EDEM1: variants seen among roughly 807,000 people sequenced by gnomAD.
The protein encoded by EDEM1 is ER degradation-enhancing alpha-mannosidase-like protein 1.
EDEM1 carries 67 observed loss-of-function variants against 74.4 expected under a neutral mutation model. That is an observed-to-expected ratio of 0.90 (90% CI 0.74 to 1.10). EDEM1 has a LOEUF of 1.10. Among genes scored for constraint, EDEM1 ranks in the 50% least tolerant of loss-of-function variants. The probability of loss-of-function intolerance (pLI) is 0.00; values close to 1 mark genes in which losing one functional copy is unlikely to be tolerated. For synonymous variants in EDEM1, 382 were observed against 335.9 expected (o/e 1.14, Z -1.50); for missense variants, 926 against 851.6 (o/e 1.09, Z -1.09).
chr3:5,200,632 A>G (rs1174683966), intron 3 of EDEM1, among the ~76,000 whole-genome samples: 1 of 152,170 alleles, frequency 6.6e-6, no homozygotes, highest in African/African-American at 2.4e-5. Flanking sequence ...TTTAAAATTA[A>G]ATTGGTGAAA....
At chr3:5,203,257 C>A in intron 5 of EDEM1, 108 bp downstream of exon 5, 2 of 1,177,932 alleles carry the variant, frequency 1.7e-6, no homozygotes, top group Non-Finnish European at 2.3e-6. Context: ...ATTGACAACT[C>A]AGCAAGAATT....
Position 5,211,219 on chromosome 3 carries a change from A to T in EDEM1, c.1680+3A>T. On this transcript the variant is annotated splice_donor_region_variant and intron_variant, in intron 10 of 11. Coordinates refer to ENST00000256497, the MANE Select transcript of EDEM1 (RefSeq NM_014674.3). The stretch of plus-strand genomic sequence containing the variant: ...AGACCTGTAAATATTTGTATCTGGT[A>T]TGTGTGTTGCAAGATGAACCCAGGA... The T allele has an allele frequency of 6.2e-7, 1 of 1,613,586 alleles. No individual in the cohort carries two copies. Among genetic ancestry groups the T allele is most frequent in the African/African-American group, 1.3e-5 (1 of 75,032 alleles).
intron 3 of EDEM1, 39 bp from the exon 4 acceptor site, chr3:5,201,714 A>T: frequency 6.2e-7 from 1 of 1,610,824 alleles, no homozygotes; most frequent in South Asian, 1.1e-5. Flanking sequence ...ATTTACAAGC[A>T]ACACGATTGT....
At chr3:5,209,034 C>G (rs1361337191) in intron 8 of EDEM1, among the ~76,000 whole-genome samples, 1 of 152,080 alleles carries the variant, frequency 6.6e-6, no homozygotes, top group Non-Finnish European at 1.5e-5. Flanking sequence ...CACCGTGGGC[C>G]AGCCCTAGCA....
intron 1 of EDEM1, among the ~76,000 whole-genome samples, chr3:5,189,169 G>C (rs545131098): frequency 6.6e-6 from 1 of 152,296 alleles, no homozygotes; most frequent in South Asian, 2.1e-4. Flanking sequence ...TGTAGGGAAG[G>C]AATGTGCATT....
intron 2 of EDEM1, among the ~76,000 whole-genome samples, chr3:5,198,067 CAG>C (rs2054991051): frequency 6.6e-6 from 1 of 151,564 alleles, no homozygotes; most frequent in Admixed American, 6.6e-5. Flanking sequence ...TTTTTTGAGA[CAG>C]AGTCTTGCTG....
chr3:5,208,460 CA>C (rs994670682), intron 8 of EDEM1, among the ~76,000 whole-genome samples, 197 bp downstream of exon 8: 1 of 152,104 alleles, frequency 6.6e-6, no homozygotes, highest in African/African-American at 2.4e-5. Flanking sequence ...CATCTGCAGT[CA>C]AATATGTTTT....
At chr3:5,188,515 C>T (rs749399175) in intron 1 of EDEM1, 6 of 469,274 alleles carry the variant, frequency 1.3e-5, no homozygotes, top group African/African-American at 4.1e-5. Flanking sequence ...GGTGGCCTTC[C>T]TCTCCTGATT....
intron 3 of EDEM1, among the ~76,000 whole-genome samples, chr3:5,201,103 G>A (rs112647353): frequency 0.016 from 2,425 of 151,262 alleles, 70 homozygotes; most frequent in African/African-American, 0.056. Context: ...AAATAAATCA[G>A]GAGTAATTTA....
At chr3:5,202,046 C>T in intron 4 of EDEM1, 122 bp downstream of exon 4, 2 of 1,253,356 alleles carry the variant, frequency 1.6e-6, no homozygotes, top group South Asian at 1.6e-5. Context: ...AAAGCAGTGT[C>T]CTTAGAAGAA....
intron 2 of EDEM1, 58 bp downstream of exon 2, chr3:5,195,339 C>T: frequency 9.1e-7 from 1 of 1,097,416 alleles, no homozygotes. Context: ...TTGATTATCC[C>T]TAGTTCCCTC....
In EDEM1 at chr3:5,201,899, C is replaced by G. The variant is rs780134203; in HGVS notation, c.833C>G (p.Thr278Ser). 1.1e-5 allele frequency: 17 copies of G among 1,613,826 alleles called. No individual in the cohort carries two copies. The South Asian group carries it at 1.8e-4, about 17-fold the overall frequency. Residue 278 changes from threonine to serine, a missense_variant, in exon 4 of 12, where the codon ACC (threonine) becomes AGC (serine). Transcript: ENST00000256497. ...CGGCTCCTCCCTGCTTTTGAAAACA[C>G]CAAGACAGGGATTCCATATCCTCGG... ...AVRLLPAFENTKTGIPYPRVN... is the reference protein window; with the variant it reads ...AVRLLPAFENSKTGIPYPRVN...
rs1361716527 is a variant in EDEM1 at position 5,187,840 on chromosome 3, T to C, written c.35T>C (p.Leu12Pro). 1.0e-5 allele frequency: 16 copies of C among 1,590,824 alleles called. No individual in the cohort carries two copies. Among genetic ancestry groups the C allele is most frequent in the Non-Finnish European group, 1.4e-5 (16 of 1,170,166 alleles). Residue 12 changes from leucine to proline, a missense_variant, in exon 1 of 12, where the codon CTC (leucine) becomes CCC (proline). Transcript: ENST00000256497. ...CGAGCGCTCGTCCTGGGGCTGGTGCTCCTCCGGCTTGGCCTCCATGGAGTA... is the reference window on the plus strand; with the variant it reads ...CGAGCGCTCGTCCTGGGGCTGGTGCCCCTCCGGCTTGGCCTCCATGGAGTA... The part of the protein sequence containing the change: ...QWRALVLGLV[L>P]LRLGLHGVLW...
At chr3:5,190,003 G>GT (rs68076319) in intron 1 of EDEM1, among the ~76,000 whole-genome samples, 7 of 18,452 alleles carry the variant, frequency 3.8e-4, no homozygotes, top group African/African-American at 4.6e-4. Context: ...TTTTTTTGGG[G>GT]GGGGGGATAA....
intron 2 of EDEM1, among the ~76,000 whole-genome samples, chr3:5,196,883 C>T (rs1389973422): frequency 6.6e-6 from 1 of 151,942 alleles, no homozygotes; most frequent in Non-Finnish European, 1.5e-5. Flanking sequence ...AAGCCTACTC[C>T]TTGTCCCTGA....
chr3:5,210,341 A>T, intron 9 of EDEM1, 93 bp downstream of exon 9: 2 of 1,210,660 alleles, frequency 1.7e-6, no homozygotes, highest in South Asian at 2.6e-5. Flanking sequence ...ATTTTAATTT[A>T]TAGAACCAGG....
chr3:5,210,097 C>T (rs2055150106), intron 8 of EDEM1, 78 bp from the exon 9 acceptor site: 3 of 1,298,810 alleles, frequency 2.3e-6, no homozygotes, highest in South Asian at 2.4e-5. Flanking sequence ...ATGGGGAAGC[C>T]CCGCAGTCAC....
rs1575590855 is a variant in EDEM1 at position 5,209,110 on chromosome 3, C to T, written c.1509+847C>T. On this transcript the variant is annotated intron_variant, in intron 8 of 11. Transcript: ENST00000256497. ...TTAGAAACTCTGGTAGTGGAGCTAACACTAAGATTTGAATTTATTTATTCA... is the reference window on the plus strand; with the variant it reads ...TTAGAAACTCTGGTAGTGGAGCTAATACTAAGATTTGAATTTATTTATTCA... Among the ~76,000 whole-genome samples the T allele has an allele frequency of 2.6e-5, 4 of 152,088 alleles. No homozygotes were observed. In the South Asian group the frequency reaches 6.2e-4, roughly 24 times the overall value.
Position 5,188,070 on chromosome 3 carries a change from C to T in EDEM1, c.265C>T (p.Arg89Cys), listed in dbSNP as rs776866429. ...AAQSPRKAPRRPGPGMCGPAN... is the reference protein window; with the variant it reads ...AAQSPRKAPRCPGPGMCGPAN... Reference sequence around the variant, plus strand: ...GCAGAGCCCGCGCAAGGCTCCGCGGCGTCCTGGGCCGGGGATGTGCGGCCC... The same window carrying T: ...GCAGAGCCCGCGCAAGGCTCCGCGGTGTCCTGGGCCGGGGATGTGCGGCCC... Residue 89 changes from arginine (R) to cysteine (C), a missense_variant, in exon 1 of 12, where the codon CGT becomes TGT. By Grantham distance (180) the Arg-to-Cys change is radical (BLOSUM62 -3). Coordinates refer to ENST00000256497, the MANE Select transcript of EDEM1 (RefSeq NM_014674.3). 2.8e-6 allele frequency: 4 copies of T among 1,451,972 alleles called. No individual in the cohort carries two copies. Among genetic ancestry groups the T allele is most frequent in the Admixed American group, 5.5e-5 (2 of 36,258 alleles). 89.9% of individuals were successfully genotyped at this position (1,451,972 alleles called of 1,614,324 possible). A position where few individuals can be genotyped will look rare whatever the true frequency, so the allele number is the denominator to read the frequency against.
Sources: allele counts gnomAD v4.1 joint callset (sites outside exome capture counted in the v4.1 genomes callset), GRCh38; gene constraint gnomAD v4.1.1; transcripts MANE v1.5; gene names NCBI Gene and HGNC (gene_info 2026-07-23, HGNC 2026-07-21).